The following IMMP2L variants were observed in gnomAD, a reference collection of about 807,000 sequenced individuals.
IMMP2L encodes the protein inner mitochondrial membrane peptidase subunit 2.
Under a neutral mutation model 19.3 loss-of-function variants are expected in IMMP2L, and 18 were observed. That is an observed-to-expected ratio of 0.93 (90% CI 0.64 to 1.38). IMMP2L has a LOEUF of 1.38. IMMP2L is among the 40% of genes most tolerant of loss of function. The pLI is 0.00. For missense variants in IMMP2L, 233 were observed against 218.2 expected (o/e 1.07, Z -0.43); for synonymous variants, 76 against 73.0 (o/e 1.04, Z -0.21).
At chr7:111,048,756 T>C (rs563495439) in intron 3 of IMMP2L, among the ~76,000 whole-genome samples, 1 of 152,280 alleles carries the variant, frequency 6.6e-6, no homozygotes, top group Non-Finnish European at 1.5e-5. Flanking sequence ...AAAAGACAAC[T>C]TGGTCAGAGC....
chr7:110,789,926 T>C (rs932308207), intron 5 of IMMP2L, among the ~76,000 whole-genome samples: 1 of 151,692 alleles, frequency 6.6e-6, no homozygotes, highest in Non-Finnish European at 1.5e-5. Flanking sequence ...TTAGGTATTC[T>C]CTAAACACTT....
At chr7:111,392,116 C>T (rs1439477714) in intron 3 of IMMP2L, 4 of 627,998 alleles carry the variant, frequency 6.4e-6, no homozygotes, top group South Asian at 1.8e-5. Flanking sequence ...TATTAGCGAC[C>T]CAAGGAGGAC....
intron 3 of IMMP2L, among the ~76,000 whole-genome samples, chr7:111,140,257 G>A (rs985232413): frequency 3.3e-5 from 5 of 152,090 alleles, no homozygotes; most frequent in Non-Finnish European, 5.9e-5. Flanking sequence ...TTCATTAAAT[G>A]TTGGCTTGTG....
At chr7:111,391,808 G>T in intron 3 of IMMP2L, 1 of 695,138 alleles carries the variant, frequency 1.4e-6, no homozygotes, top group Non-Finnish European at 2.6e-6. Flanking sequence ...CCTGAATAGA[G>T]GTCCTTAATA....
At chr7:111,009,611 T>A (rs1824708521) in intron 3 of IMMP2L, among the ~76,000 whole-genome samples, 1 of 152,236 alleles carries the variant, frequency 6.6e-6, no homozygotes, top group Admixed American at 6.6e-5. Context: ...AATTTTGACA[T>A]ACTGAAAATG....
chr7:111,389,652 T>C (rs1832140815), intron 3 of IMMP2L, among the ~76,000 whole-genome samples: 1 of 151,930 alleles, frequency 6.6e-6, no homozygotes, highest in South Asian at 2.1e-4. Context: ...TATTGAAAAT[T>C]TGAGTGAAAA....
At chr7:110,665,673 A>T (rs1232751750) in intron 5 of IMMP2L, among the ~76,000 whole-genome samples, 1 of 152,066 alleles carries the variant, frequency 6.6e-6, no homozygotes, top group Non-Finnish European at 1.5e-5. Context: ...TTCCCTCATG[A>T]CTAGAGTCAA....
At chr7:111,450,676 A>C (rs1449385759) in intron 3 of IMMP2L, among the ~76,000 whole-genome samples, 3 of 150,560 alleles carry the variant, frequency 2.0e-5, no homozygotes, top group Non-Finnish European at 3.0e-5. Context: ...AAAACACCAA[A>C]AGCAATGGCA....
intron 5 of IMMP2L, among the ~76,000 whole-genome samples, chr7:110,823,714 T>C (rs1803228466): frequency 6.6e-6 from 1 of 152,024 alleles, no homozygotes; most frequent in Admixed American, 6.6e-5. Context: ...CCAACATACT[T>C]TGAGAGCAAA....
At chr7:111,010,962 C>A (rs1824882763) in intron 3 of IMMP2L, among the ~76,000 whole-genome samples, 1 of 150,606 alleles carries the variant, frequency 6.6e-6, no homozygotes. Flanking sequence ...GGTCAAGATA[C>A]AGACCCAGGT....
chr7:111,411,772 C>T (rs886260485), intron 3 of IMMP2L: 3 of 197,586 alleles, frequency 1.5e-5, no homozygotes, highest in South Asian at 1.9e-4. Context: ...AGCTGGTGAG[C>T]GTCAACGTGC....
intron 4 of IMMP2L, among the ~76,000 whole-genome samples, chr7:110,896,769 G>C (rs1811372269): frequency 6.6e-6 from 1 of 151,624 alleles, no homozygotes; most frequent in Non-Finnish European, 1.5e-5. Flanking sequence ...GCATATGCTA[G>C]TATGATAGTT....
intron 5 of IMMP2L, among the ~76,000 whole-genome samples, chr7:110,855,853 C>T (rs930891241): frequency 3.3e-5 from 5 of 151,876 alleles, no homozygotes; most frequent in East Asian, 1.9e-4. Context: ...ACTTGCCAAT[C>T]GATATCTTAA....
At chr7:111,015,625 C>A (rs367954393) in intron 3 of IMMP2L, among the ~76,000 whole-genome samples, 1 of 152,046 alleles carries the variant, frequency 6.6e-6, no homozygotes, top group East Asian at 1.9e-4. Context: ...CCAAGACAGG[C>A]AAATCAGTAG....
intron 1 of IMMP2L, among the ~76,000 whole-genome samples, chr7:111,538,030 T>G (rs537410698): frequency 1.6e-3 from 239 of 152,228 alleles, no homozygotes; most frequent in African/African-American, 4.7e-3. Context: ...GGAAGTCCAC[T>G]CCGACTCTCC....
At chr7:111,445,988 G>A (rs1207950684) in intron 3 of IMMP2L, among the ~76,000 whole-genome samples, 4 of 151,916 alleles carry the variant, frequency 2.6e-5, no homozygotes, top group East Asian at 1.9e-4. Flanking sequence ...CGAATATTGC[G>A]CTTTTCAGAC....
intron 3 of IMMP2L, among the ~76,000 whole-genome samples, chr7:111,022,539 C>T (rs141115074): frequency 3.9e-5 from 6 of 152,218 alleles, no homozygotes; most frequent in African/African-American, 9.6e-5. Context: ...TCAGATGTTC[C>T]GAGATACACT....
chr7:111,206,095 A>G (rs1453012487), intron 3 of IMMP2L, among the ~76,000 whole-genome samples: 1 of 152,186 alleles, frequency 6.6e-6, no homozygotes, highest in Non-Finnish European at 1.5e-5. Context: ...AATGGCACAC[A>G]AGACTGCTTT....
chr7:111,203,075 T>C (rs1349591673), intron 3 of IMMP2L, among the ~76,000 whole-genome samples: 1 of 152,130 alleles, frequency 6.6e-6, no homozygotes, highest in South Asian at 2.1e-4. Context: ...ACTAGTACTA[T>C]CTATTCAGAC....
Sources: allele counts gnomAD v4.1 joint callset (sites outside exome capture counted in the v4.1 genomes callset), GRCh38; gene constraint gnomAD v4.1.1; transcripts MANE v1.5; gene names NCBI Gene and HGNC (gene_info 2026-07-23, HGNC 2026-07-21).